The following NRG1 variants were observed in gnomAD, a reference collection of about 807,000 sequenced individuals.
NRG1 encodes pro-neuregulin-1, membrane-bound isoform.
Under a neutral mutation model 63.8 loss-of-function variants are expected in NRG1, and 18 were observed. The ratio of observed to expected loss-of-function variants is 0.28; its 90% confidence interval spans 0.19 to 0.42. NRG1 has a LOEUF of 0.42. NRG1 is among the 10% of genes least tolerant of loss of function. The pLI is 1.00. For synonymous variants in NRG1, 302 were observed against 301.3 expected (o/e 1.00, Z -0.02); for missense variants, 762 against 814.7 (o/e 0.94, Z 0.79).
At chr8:31,735,041 A>G (rs1216542600) in intron 1 of NRG1, among the ~76,000 whole-genome samples, 3 of 152,068 alleles carry the variant, frequency 2.0e-5, no homozygotes, top group Non-Finnish European at 2.9e-5. Context: ...CAACTTGGTA[A>G]TGGCCTTCTG....
At chr8:32,465,997 T>C (rs538311202) in intron 1 of NRG1, among the ~76,000 whole-genome samples, 15 of 152,326 alleles carry the variant, frequency 9.8e-5, no homozygotes, top group African/African-American at 3.6e-4. Flanking sequence ...TAATTTTCAT[T>C]ATTTTTCTTG....
At chr8:31,987,029 G>A (rs545705279) in intron 1 of NRG1, among the ~76,000 whole-genome samples, 2 of 152,090 alleles carry the variant, frequency 1.3e-5, no homozygotes, top group African/African-American at 4.8e-5. Flanking sequence ...GCTGAGCATG[G>A]TGGCTCACGC....
At chr8:32,264,465 A>G (rs1850710064) in intron 1 of NRG1, among the ~76,000 whole-genome samples, 1 of 152,234 alleles carries the variant, frequency 6.6e-6, no homozygotes, top group Non-Finnish European at 1.5e-5. Context: ...CTTTCTAGTA[A>G]GCAAAAACAA....
At chr8:31,689,676 C>T (rs1467450404) in intron 1 of NRG1, among the ~76,000 whole-genome samples, 1 of 152,074 alleles carries the variant, frequency 6.6e-6, no homozygotes, top group African/African-American at 2.4e-5. Context: ...CTTTAACTTA[C>T]CAACCTATTC....
chr8:32,034,534 T>C (rs538049602), intron 1 of NRG1, among the ~76,000 whole-genome samples: 43 of 152,314 alleles, frequency 2.8e-4, no homozygotes, highest in Admixed American at 2.6e-3. Context: ...TATCAGTTTC[T>C]CTTTGTACCT....
intron 1 of NRG1, among the ~76,000 whole-genome samples, chr8:32,044,211 G>T (rs1820560508): frequency 6.6e-6 from 1 of 151,778 alleles, no homozygotes; most frequent in South Asian, 2.1e-4. Context: ...GAATAAAGAT[G>T]ACATTAAATA....
In NRG1 at chr8:31,640,427, T is replaced by C. The variant is rs1166788027; in HGVS notation, c.37+996T>C. The C allele has an allele frequency of 6.6e-7, 1 of 1,504,606 alleles. No individual in the cohort carries two copies. The highest frequency in any genetic ancestry group is 8.9e-7 in the Non-Finnish European group (1 of 1,126,006). The allele number at this position is 1,504,606 out of a possible 1,614,324, so 93.2% of individuals were successfully genotyped here. A position where few individuals can be genotyped will look rare whatever the true frequency, so the allele number is the denominator to read the frequency against. ...GTGCCCTCTTGGCCCACCGCCCCGG[T>C]GCCCAGCGCCGGCGAGCCCGGGGAG... On this transcript the variant is annotated intron_variant, in intron 1 of 10. Coordinates refer to the NRG1 transcript ENST00000519301. This position sits in a 1 kb window ranked among gnomAD's most constrained non-coding sequence, Gnocchi z 6.3.
chr8:31,747,145 C>A (rs1178251028), intron 1 of NRG1, among the ~76,000 whole-genome samples: 1 of 151,918 alleles, frequency 6.6e-6, no homozygotes, highest in Non-Finnish European at 1.5e-5. Context: ...TTTAATTGTA[C>A]ATTTTAAAAT....
chr8:32,413,393 C>A (rs73250465), intron 1 of NRG1, among the ~76,000 whole-genome samples: 1 of 152,068 alleles, frequency 6.6e-6, no homozygotes, highest in African/African-American at 2.4e-5. Flanking sequence ...ACTAAATATA[C>A]TGTATGCTCG....
At chr8:32,517,817 C>G (rs1056527611) in intron 1 of NRG1, among the ~76,000 whole-genome samples, 3 of 151,994 alleles carry the variant, frequency 2.0e-5, no homozygotes, top group African/African-American at 7.2e-5. Flanking sequence ...CAGTACTTTC[C>G]CACAATATTC....
rs574358785 is a variant in NRG1, at chr8:31,896,687, G to T, written c.37+257256G>T. Among the ~76,000 whole-genome samples, 34 of 152,196 alleles carry T rather than the reference G, an allele frequency of 2.2e-4. No homozygotes were observed. In the South Asian group the frequency reaches 6.8e-3, roughly 31 times the overall value. On this transcript the variant is annotated intron_variant, in intron 1 of 10. Coordinates refer to the NRG1 transcript ENST00000519301. ...TTGCCTTTCTAACAAGTTTCCATGT[G>T]GTCCTCTTGCTGCTGGTCTGGCATC...
intron 5 of NRG1, among the ~76,000 whole-genome samples, chr8:32,668,362 C>T (rs2128889214): frequency 6.6e-6 from 1 of 152,290 alleles, no homozygotes; most frequent in African/African-American, 2.4e-5. Context: ...TCCAACTGAG[C>T]TCATGGAAGT....
intron 1 of NRG1, among the ~76,000 whole-genome samples, chr8:32,498,370 G>T (rs1433173187): frequency 1.3e-5 from 2 of 152,162 alleles, no homozygotes; most frequent in Non-Finnish European, 1.5e-5. Flanking sequence ...AATGAAAAAG[G>T]TTTGACTCAC....
At chr8:32,172,376 T>G (rs1267546356) in intron 1 of NRG1, among the ~76,000 whole-genome samples, 1 of 152,054 alleles carries the variant, frequency 6.6e-6, no homozygotes, top group African/African-American at 2.4e-5. Flanking sequence ...CAAAGGTAGA[T>G]AAAAGCAGAA....
chr8:32,745,292 A>T (rs1269027827), intron 7 of NRG1, among the ~76,000 whole-genome samples: 1 of 152,164 alleles, frequency 6.6e-6, no homozygotes, highest in Non-Finnish European at 1.5e-5. Flanking sequence ...TTGAACACAA[A>T]CTAGGAAAAG....
chr8:32,446,072 G>C (rs1485007453), intron 1 of NRG1, among the ~76,000 whole-genome samples: 3 of 152,172 alleles, frequency 2.0e-5, no homozygotes, highest in African/African-American at 4.8e-5. Context: ...CTAAACCTCA[G>C]TTTATTTTAA....
At chr8:32,606,657 G>C (rs1023519582) in intron 3 of NRG1, among the ~76,000 whole-genome samples, 4 of 151,990 alleles carry the variant, frequency 2.6e-5, no homozygotes, top group African/African-American at 9.7e-5. Flanking sequence ...AACCTTTAGT[G>C]CTTATTTATT....
chr8:32,305,880 A>T, intron 1 of NRG1, among the ~76,000 whole-genome samples: 1 of 152,344 alleles, frequency 6.6e-6, no homozygotes, highest in East Asian at 1.9e-4. Context: ...ATAGTAAAAA[A>T]ATCATGAGGC....
intron 5 of NRG1, among the ~76,000 whole-genome samples, chr8:32,711,369 A>G (rs1045291550): frequency 6.6e-6 from 1 of 152,066 alleles, no homozygotes; most frequent in African/African-American, 2.4e-5. Flanking sequence ...AAGAATTTTC[A>G]TGCTTTACTA....
Sources: gnomAD v4.1 joint callset for allele counts (sites outside exome capture counted in the v4.1 genomes callset) on GRCh38, gnomAD v4.1.1 for gene constraint, Gnocchi (gnomAD v3.1) non-coding constraint, MANE v1.5 for transcripts, NCBI Gene and HGNC (gene_info 2026-07-23, HGNC 2026-07-21) for gene names.